RNF152: variants seen among roughly 807,000 people sequenced by gnomAD.
The protein encoded by RNF152 is E3 ubiquitin-protein ligase RNF152.
RNF152 carries 11 observed loss-of-function variants against 12.7 expected under a neutral mutation model. The ratio of observed to expected loss-of-function variants is 0.86; its 90% CI spans 0.54 to 1.43. The LOEUF (loss-of-function observed/expected upper bound fraction) is 1.43, where lower values mean the gene tolerates loss of function less well. RNF152 is among the 40% of genes most tolerant of loss of function. RNF152 has a pLI of 0.00. For missense variants in RNF152, 255 were observed against 274.8 expected, an observed-to-expected ratio of 0.93 and a Z score of 0.51; for synonymous variants, 113 against 120.3, an observed-to-expected ratio of 0.94 and a Z score of 0.40.
At chr18:61,837,555 T>A (rs905481983) in intron 1 of RNF152, among the ~76,000 whole-genome samples, 4 of 152,224 alleles carry the variant, frequency 2.6e-5, no homozygotes, top group African/African-American at 7.2e-5. Flanking sequence ...TATTTTACAT[T>A]TTTCAAAGTA....
upstream of RNF152, chr18:61,893,315 G>A (rs1488781007): frequency 2.6e-5 from 4 of 152,310 alleles, no homozygotes; most frequent in Non-Finnish European, 4.4e-5. Context: ...GGCACACAGC[G>A]CGGCAATCCC....
At chr18:61,844,131 AAAGAAAGAAATT>A in intron 1 of RNF152, among the ~76,000 whole-genome samples, 1 of 143,614 alleles carries the variant, frequency 7.0e-6, no homozygotes, top group Non-Finnish European at 1.5e-5. Context: ...AGAAAGAAAG[AAAGAAAGAAATT>A]AAGAGAAAAG....
At chr18:61,861,846 C>T (rs1911502115) in intron 1 of RNF152, among the ~76,000 whole-genome samples, 1 of 152,156 alleles carries the variant, frequency 6.6e-6, no homozygotes, top group Non-Finnish European at 1.5e-5. Flanking sequence ...AGAACTCACT[C>T]ACCAACCCAC....
intron 1 of RNF152, among the ~76,000 whole-genome samples, chr18:61,862,708 A>C (rs1007676268): frequency 2.6e-5 from 4 of 152,162 alleles, no homozygotes; most frequent in African/African-American, 9.7e-5. Flanking sequence ...TATCTTTTAC[A>C]ATAAACCAGT....
intron 1 of RNF152, chr18:61,875,126 T>G (rs1599319048): frequency 1.3e-5 from 2 of 152,224 alleles, no homozygotes; most frequent in African/African-American, 2.4e-5. Flanking sequence ...AGTTAGAGTT[T>G]GAATAGAAGG....
At chr18:61,851,090 TAAAAAAAA>T (rs529714042) in intron 1 of RNF152, among the ~76,000 whole-genome samples, 3 of 126,400 alleles carry the variant, frequency 2.4e-5, no homozygotes, top group Non-Finnish European at 5.1e-5. Flanking sequence ...CCACAATGAT[TAAAAAAAA>T]AAAAAAAAAA....
chr18:61,816,096 G>C lies in RNF152; in HGVS notation c.368C>G (p.Pro123Arg). The C allele has an allele frequency of 1.2e-6, 2 of 1,614,142 alleles. No homozygotes were observed. The highest frequency in any genetic ancestry group is 1.7e-6 in the Non-Finnish European group (2 of 1,180,016). Residue 123 changes from proline (P) to arginine (R), a missense_variant, in exon 2 of 2, where the codon CCC (proline) becomes CGC (arginine). Pro to Arg is a moderately radical substitution (Grantham distance 103, BLOSUM62 -2). Coordinates refer to ENST00000312828, the MANE Select transcript of RNF152 (RefSeq NM_173557.3). ...LPGDMGCRLL[P>R]GSQQKSVTVV... is the part of the protein sequence containing the mutation. ...GGTGACGGACTTCTGCTGGCTCCCGGGCAGCAGGCGGCAGCCCATGTCTCC... is the reference window on the plus strand; with the variant it reads ...GGTGACGGACTTCTGCTGGCTCCCGCGCAGCAGGCGGCAGCCCATGTCTCC...
intron 1 of RNF152, among the ~76,000 whole-genome samples, chr18:61,845,799 T>C (rs1299963726): frequency 6.6e-6 from 1 of 152,134 alleles, no homozygotes; most frequent in Non-Finnish European, 1.5e-5. Flanking sequence ...AACCTGACCA[T>C]AAGTCTGTTC....
At chr18:61,863,384 G>A (rs1911576072) in intron 1 of RNF152, among the ~76,000 whole-genome samples, 1 of 150,254 alleles carries the variant, frequency 6.7e-6, no homozygotes, top group South Asian at 2.1e-4. Context: ...GCAGTGAGCG[G>A]CGATCGTGCC....
intron 1 of RNF152, among the ~76,000 whole-genome samples, chr18:61,856,779 T>C (rs765361524): frequency 6.6e-6 from 1 of 152,006 alleles, no homozygotes; most frequent in African/African-American, 2.4e-5. Flanking sequence ...GGGATTCAGT[T>C]CCCCGAACAG....
rs1237932589 is a variant in RNF152, at chr18:61,815,869, C to G, written c.595G>C (p.Val199Leu). Residue 199 changes from valine to leucine, a missense_variant, in exon 2 of 2, where the codon GTG (valine) becomes CTG (leucine). Coordinates refer to ENST00000312828, the MANE Select transcript of RNF152 (RefSeq NM_173557.3). ...AGCCCTCTTCAGCCACAGGATATCACAGTGAAGCGCTTAGAAATGCAAGAC... is the reference window on the plus strand; with the variant it reads ...AGCCCTCTTCAGCCACAGGATATCAGAGTGAAGCGCTTAGAAATGCAAGAC... ...NMSCISKRFTVISCG is the reference protein window; with the variant it reads ...NMSCISKRFTLISCG The G allele has an allele frequency of 8.1e-6, 13 of 1,614,054 alleles. No homozygotes were observed. Among genetic ancestry groups the G allele is most frequent in the Non-Finnish European group, 1.1e-5 (13 of 1,180,006 alleles).
rs888423722 is a variant in RNF152 at position 61,813,462 on chromosome 18, A to C, written c.*2390T>G. 1.3e-5 allele frequency: 2 copies of C among 152,202 alleles called. No individual in the cohort carries two copies. Among genetic ancestry groups the C allele is most frequent in the Admixed American group, 6.5e-5 (1 of 15,276 alleles). 9.4% of individuals were successfully genotyped at this position (152,202 alleles called of 1,614,324 possible). ...GTTGTTGTTAAATTTAAGGTCAAGA[A>C]TCTACCATACAGCCGATTAATTTTG... is the stretch of plus-strand genomic sequence containing the variant. On this transcript the variant is annotated 3_prime_UTR_variant, in exon 2 of 2. Coordinates refer to ENST00000312828, the MANE Select transcript of RNF152 (RefSeq NM_173557.3).
chr18:61,839,083 T>C (rs1910323597), intron 1 of RNF152, among the ~76,000 whole-genome samples: 1 of 151,898 alleles, frequency 6.6e-6, no homozygotes, highest in Non-Finnish European at 1.5e-5. Flanking sequence ...TACTAATAAC[T>C]TTCCCTCCTT....
intron 1 of RNF152, among the ~76,000 whole-genome samples, chr18:61,870,983 A>G (rs1239508274): frequency 6.6e-6 from 1 of 152,178 alleles, no homozygotes; most frequent in Non-Finnish European, 1.5e-5. Flanking sequence ...CCCCATCCTG[A>G]TAATGGCACC....
upstream of RNF152, among the ~76,000 whole-genome samples, chr18:61,894,406 C>G (rs937462628): frequency 2.0e-4 from 30 of 151,856 alleles, no homozygotes; most frequent in Non-Finnish European, 3.4e-4. This position sits in a 1 kb window ranked among gnomAD's most constrained non-coding sequence, Gnocchi z 4.9. Flanking sequence ...TCGGACACCG[C>G]CGCCAGGCGC....
At position 61,808,688 on chromosome 18, in the gene RNF152, T is replaced by C. The variant is rs1007988376; in HGVS notation, c.*7164A>G. The C allele has an allele frequency of 2.0e-5, 3 of 152,188 alleles. No homozygotes were observed. Among genetic ancestry groups the C allele is most frequent in the South Asian group, 4.1e-4 (2 of 4,824 alleles). The allele number at this position is 152,188 out of a possible 1,614,324, so 9.4% of individuals were successfully genotyped here. On this transcript the variant is annotated 3_prime_UTR_variant, in exon 2 of 2. Coordinates refer to ENST00000312828, the MANE Select transcript of RNF152 (RefSeq NM_173557.3). ...AAACAAGTGGTGAAATGAAAAAATA[T>C]ATGACGGCAACCAGGATATATAAAC... is the stretch of plus-strand genomic sequence containing the variant.
chr18:61,816,353 C>T lies in RNF152; in HGVS notation c.111G>A (p.Val37=), dbSNP rs1909089346. The change falls in exon 2 of 2, where the codon GTG becomes GTA. Residue 37 remains valine, a synonymous_variant. Transcript: ENST00000312828. ...GGCTGGTCCTCATCTGCTGCAGGCACACTGAACAGCAGGTGTGCTTGCAGT... is the reference window on the plus strand; with the variant it reads ...GGCTGGTCCTCATCTGCTGCAGGCATACTGAACAGCAGGTGTGCTTGCAGT... ...LLDCKHTCCS[V]CLQQMRTSQK... The T allele has an allele frequency of 6.2e-7, 1 of 1,614,108 alleles. No individual in the cohort carries two copies. The highest frequency in any genetic ancestry group is 1.1e-5 in the South Asian group (1 of 91,088).
At chr18:61,854,949 C>T (rs1911154102) in intron 1 of RNF152, among the ~76,000 whole-genome samples, 1 of 152,212 alleles carries the variant, frequency 6.6e-6, no homozygotes. Flanking sequence ...AACTCACAGA[C>T]TGTCTCAAAT....
At chr18:61,862,242 T>A (rs1023605974) in intron 1 of RNF152, among the ~76,000 whole-genome samples, 1 of 152,170 alleles carries the variant, frequency 6.6e-6, no homozygotes, top group Admixed American at 6.5e-5. Context: ...CTAGATGCAG[T>A]ACTTTCATGT....
Sources: allele counts gnomAD v4.1 joint callset (sites outside exome capture counted in the v4.1 genomes callset), GRCh38; gene constraint gnomAD v4.1.1; non-coding constraint Gnocchi (gnomAD v3.1); transcripts MANE v1.5; gene names NCBI Gene and HGNC (gene_info 2026-07-23, HGNC 2026-07-21).